The following KCNT2 variants were observed in gnomAD, a reference collection of about 807,000 sequenced individuals.
The protein encoded by KCNT2 is potassium sodium-activated channel subfamily T member 2.
KCNT2 carries 67 observed loss-of-function variants against 153.8 expected under a neutral mutation model. The ratio of observed to expected loss-of-function variants is 0.44; its 90% CI spans 0.36 to 0.53. The LOEUF (loss-of-function observed/expected upper bound fraction) is 0.53, where lower values mean the gene tolerates loss of function less well. Ranked by LOEUF, KCNT2 falls within the 20% of genes least tolerant of loss-of-function variation. KCNT2 has a pLI of 0.00. For missense variants in KCNT2, 975 were observed against 1,354.8 expected, an observed-to-expected ratio of 0.72 and a Z score of 4.40; for synonymous variants, 500 against 458.8, an observed-to-expected ratio of 1.09 and a Z score of -1.15.
At chr1:196,433,503 G>A (rs1362885487) in intron 8 of KCNT2, among the ~76,000 whole-genome samples, 1 of 152,030 alleles carries the variant, frequency 6.6e-6, no homozygotes, top group African/African-American at 2.4e-5. Flanking sequence ...AAATTGAGGT[G>A]ATGGTATATA....
intron 5 of KCNT2, among the ~76,000 whole-genome samples, chr1:196,476,451 C>T (rs1678538582): frequency 6.6e-6 from 1 of 152,026 alleles, no homozygotes; most frequent in African/African-American, 2.4e-5. Flanking sequence ...TATAGTGCAC[C>T]TATTTTGACA....
At chr1:196,406,561 C>T (rs1387072147) in intron 12 of KCNT2, among the ~76,000 whole-genome samples, 4 of 149,368 alleles carry the variant, frequency 2.7e-5, no homozygotes, top group Non-Finnish European at 4.5e-5. Context: ...TCAACAGTGG[C>T]CTAGTCTTCA....
At chr1:196,414,121 G>C (rs1672559130) in intron 12 of KCNT2, among the ~76,000 whole-genome samples, 1 of 151,480 alleles carries the variant, frequency 6.6e-6, no homozygotes, top group African/African-American at 2.4e-5. Flanking sequence ...GATTGATTTA[G>C]AACAATATTG....
chr1:196,243,499 A>T (rs1165198078), intron 26 of KCNT2, among the ~76,000 whole-genome samples: 1 of 152,114 alleles, frequency 6.6e-6, no homozygotes, highest in African/African-American at 2.4e-5. Flanking sequence ...ATCTTTTGGC[A>T]GTGGCCACAT....
At chr1:196,506,009 T>C (rs1200563917) in intron 1 of KCNT2, among the ~76,000 whole-genome samples, 1 of 152,180 alleles carries the variant, frequency 6.6e-6, no homozygotes, top group African/African-American at 2.4e-5. Flanking sequence ...TTTCTAGATA[T>C]ACAATCATGT....
intron 1 of KCNT2, among the ~76,000 whole-genome samples, chr1:196,597,235 G>A (rs767225457): frequency 1.2e-4 from 18 of 150,412 alleles, no homozygotes; most frequent in East Asian, 3.9e-4. Context: ...CAATCTCTTC[G>A]CATCCTTTAT....
At chr1:196,237,269 AGAC>A (rs1190746308) in intron 26 of KCNT2, among the ~76,000 whole-genome samples, 1 of 151,736 alleles carries the variant, frequency 6.6e-6, no homozygotes, top group Non-Finnish European at 1.5e-5. Context: ...TTAATATGAA[AGAC>A]ACTATTTTCG....
chr1:196,276,294 T>G (rs1314617639), intron 25 of KCNT2, among the ~76,000 whole-genome samples: 2 of 152,098 alleles, frequency 1.3e-5, no homozygotes, highest in Non-Finnish European at 2.9e-5. Context: ...ATTCATTTCC[T>G]GCACACATTC....
chr1:196,439,238 T>C (rs928277473), intron 8 of KCNT2, among the ~76,000 whole-genome samples: 14 of 151,972 alleles, frequency 9.2e-5, no homozygotes, highest in African/African-American at 2.7e-4. Flanking sequence ...CCTTTAAGAA[T>C]TGTTATAGGC....
At chr1:196,414,587 T>C (rs986968869) in intron 12 of KCNT2, among the ~76,000 whole-genome samples, 3 of 151,894 alleles carry the variant, frequency 2.0e-5, no homozygotes, top group Non-Finnish European at 2.9e-5. Context: ...TTTGTTGTTG[T>C]TCTACTTAAC....
intron 22 of KCNT2, among the ~76,000 whole-genome samples, chr1:196,287,827 A>G (rs1005713455): frequency 6.6e-6 from 1 of 152,132 alleles, no homozygotes; most frequent in Non-Finnish European, 1.5e-5. Flanking sequence ...TGTGTTGAAT[A>G]TGGGCCAGGA....
At chr1:196,465,211 T>A in intron 8 of KCNT2, 82 bp downstream of exon 8, 2 of 739,158 alleles carry the variant, frequency 2.7e-6, no homozygotes, top group Non-Finnish European at 4.5e-6. Context: ...CAACTATTAA[T>A]GAAAGTTATT....
intron 14 of KCNT2, among the ~76,000 whole-genome samples, chr1:196,357,869 G>C (rs1667298588): frequency 6.6e-6 from 1 of 151,848 alleles, no homozygotes; most frequent in Non-Finnish European, 1.5e-5. Flanking sequence ...GCAATGGGTA[G>C]TCTTGTCTAA....
chr1:196,450,237 C>A (rs986455731), intron 8 of KCNT2, among the ~76,000 whole-genome samples: 6 of 151,758 alleles, frequency 4.0e-5, no homozygotes, highest in African/African-American at 1.5e-4. Flanking sequence ...CCTCCCACTG[C>A]CCGGTAAAGG....
chr1:196,264,424 T>C (rs1239504277), intron 25 of KCNT2, among the ~76,000 whole-genome samples: 2 of 152,088 alleles, frequency 1.3e-5, no homozygotes, highest in Non-Finnish European at 2.9e-5. Context: ...TTAAGTCTTC[T>C]CCATCAGCTC....
intron 13 of KCNT2, among the ~76,000 whole-genome samples, chr1:196,392,402 T>G (rs1371265526): frequency 6.6e-6 from 1 of 151,330 alleles, no homozygotes. Flanking sequence ...TTTCAAAGGC[T>G]TAATGTTTTA....
At chr1:196,523,933 T>C (rs937899159) in intron 1 of KCNT2, among the ~76,000 whole-genome samples, 1 of 152,234 alleles carries the variant, frequency 6.6e-6, no homozygotes, top group African/African-American at 2.4e-5. Flanking sequence ...TCCCTCTTAC[T>C]TGTTGACCCT....
At chr1:196,284,242 A>T (rs1335435706) in intron 23 of KCNT2, among the ~76,000 whole-genome samples, 1 of 16,150 alleles carries the variant, frequency 6.2e-5, no homozygotes, top group African/African-American at 7.6e-5. Flanking sequence ...AAAAAAAAAA[A>T]AAAAAAATAT....
chr1:196,446,331 A>T (rs533974065), intron 8 of KCNT2, among the ~76,000 whole-genome samples: 1 of 151,486 alleles, frequency 6.6e-6, no homozygotes, highest in Non-Finnish European at 1.5e-5. Context: ...TCATTATTCT[A>T]ATTGTCTTTA....
Sources: gnomAD v4.1 joint callset for allele counts (sites outside exome capture counted in the v4.1 genomes callset) on GRCh38, gnomAD v4.1.1 for gene constraint, MANE v1.5 for transcripts, NCBI Gene and HGNC (gene_info 2026-07-23, HGNC 2026-07-21) for gene names.